The following NAA35 variants were observed in gnomAD, a reference collection of about 807,000 sequenced individuals.
NAA35 encodes N-alpha-acetyltransferase 35, NatC auxiliary subunit, also known as MAK10 homolog, amino-acid N-acetyltransferase subunit.
In NAA35, 18 loss-of-function variants were observed where a neutral mutation model predicts 101.7. The ratio of observed to expected loss-of-function variants is 0.18; its 90% CI spans 0.12 to 0.26. The LOEUF is 0.26. Ranked by LOEUF, NAA35 falls within the 10% of genes least tolerant of loss-of-function variation. The pLI is 1.00. For missense variants in NAA35, 601 were observed against 886.8 expected (o/e 0.68, Z 4.09); for synonymous variants, 267 against 273.1 (o/e 0.98, Z 0.22).
chr9:86,008,791 T>A (rs942702954), intron 14 of NAA35, among the ~76,000 whole-genome samples: 1 of 152,222 alleles, frequency 6.6e-6, no homozygotes, highest in Non-Finnish European at 1.5e-5. Context: ...GATTTGAAAC[T>A]TCTTCTGAAG....
At chr9:85,998,904 C>T (rs1381006116) in intron 12 of NAA35, among the ~76,000 whole-genome samples, 1 of 152,184 alleles carries the variant, frequency 6.6e-6, no homozygotes, top group Non-Finnish European at 1.5e-5. Flanking sequence ...ACCTGTGTTC[C>T]TTGAGCTCAC....
chr9:85,999,179 AAGAC>A (rs1377547789), intron 12 of NAA35, among the ~76,000 whole-genome samples: 1 of 152,110 alleles, frequency 6.6e-6, no homozygotes, highest in Non-Finnish European at 1.5e-5. Context: ...AGATCATAGA[AAGAC>A]AGTTTTACAG....
At chr9:85,952,943 G>A (rs1361508447) in intron 2 of NAA35, among the ~76,000 whole-genome samples, 1 of 152,112 alleles carries the variant, frequency 6.6e-6, no homozygotes, top group Non-Finnish European at 1.5e-5. Flanking sequence ...AGGCGTGATG[G>A]CTCATGCCCA....
chr9:85,964,502 G>C (rs1829662202), intron 6 of NAA35, among the ~76,000 whole-genome samples: 1 of 152,064 alleles, frequency 6.6e-6, no homozygotes, highest in African/African-American at 2.4e-5. Flanking sequence ...CCAATCCTTA[G>C]TGTTTTTTCC....
intron 14 of NAA35, among the ~76,000 whole-genome samples, chr9:86,009,103 A>G (rs947283742): frequency 1.3e-5 from 2 of 152,132 alleles, no homozygotes; most frequent in Non-Finnish European, 1.5e-5. Context: ...AAGGCTACTA[A>G]TGAACATATT....
intron 19 of NAA35, 113 bp downstream of exon 19, chr9:86,017,678 C>T: frequency 1.2e-6 from 1 of 864,644 alleles, no homozygotes; most frequent in Non-Finnish European, 1.8e-6. Context: ...CTTTGTTTTA[C>T]TTCCTGTCTG....
intron 9 of NAA35, 58 bp from the exon 10 acceptor site, chr9:85,977,305 G>A: frequency 8.5e-7 from 1 of 1,174,656 alleles, no homozygotes; most frequent in Non-Finnish European, 1.3e-6. Context: ...TATTTTAAAT[G>A]AAATTCCTTT....
chr9:85,961,858 T>TCAA (rs1284759220), intron 5 of NAA35, among the ~76,000 whole-genome samples, 155 bp from the exon 6 acceptor site: 4 of 152,168 alleles, frequency 2.6e-5, no homozygotes, highest in Non-Finnish European at 2.9e-5. Context: ...AAAATGTTAG[T>TCAA]CAATGAAAGT....
At chr9:85,975,267 AT>A (rs534521526) in intron 8 of NAA35, 110 bp downstream of exon 8, 7,678 of 975,854 alleles carry the variant, frequency 7.9e-3, no homozygotes, top group South Asian at 0.012. Flanking sequence ...TGTGCTTTGT[AT>A]TTTTTTTTTG....
At chr9:85,943,039 C>G (rs1301259001) in intron 2 of NAA35, among the ~76,000 whole-genome samples, 5 of 152,142 alleles carry the variant, frequency 3.3e-5, no homozygotes, top group Admixed American at 6.5e-5. Flanking sequence ...TTTTCAGTCT[C>G]ACTCACTGGA....
intron 2 of NAA35, among the ~76,000 whole-genome samples, chr9:85,944,646 G>A (rs1828679560): frequency 2.0e-5 from 3 of 152,234 alleles, no homozygotes; most frequent in South Asian, 4.1e-4. Flanking sequence ...TATGGGTGGA[G>A]TTCAAAGTAC....
chr9:86,005,580 C>A (rs567726507), intron 13 of NAA35, among the ~76,000 whole-genome samples: 1 of 152,038 alleles, frequency 6.6e-6, no homozygotes, highest in South Asian at 2.1e-4. Flanking sequence ...GTAGAATGCC[C>A]ATGGATTTTA....
At chr9:86,021,843 T>C in intron 22 of NAA35, 58 bp from the exon 23 acceptor site, 1 of 1,322,962 alleles carries the variant, frequency 7.6e-7, no homozygotes, top group Non-Finnish European at 1.1e-6. Flanking sequence ...AGTCTTTGTT[T>C]TGTGTACCAT....
At chr9:85,988,199 C>T (rs1423723728) in intron 11 of NAA35, among the ~76,000 whole-genome samples, 1 of 152,122 alleles carries the variant, frequency 6.6e-6, no homozygotes, top group African/African-American at 2.4e-5. Flanking sequence ...AGAAGCACTC[C>T]TTCAGTGATA....
chr9:85,978,322 C>T lies in NAA35; in HGVS notation c.818C>T (p.Ser273Phe). The change falls in exon 11 of 23, where the codon TCT becomes TTT. Residue 273 changes from serine (S) to phenylalanine (F), a missense_variant. By Grantham distance (155) the Ser-to-Phe change is radical. Transcript: ENST00000361671. ...ATGGTTCAAGCAGCAGATCTTCTTT[C>T]TGCCATTCATAATTCATTGCATCAT... ...KLMVQAADLLSAIHNSLHHGI... is the reference protein window; with the variant it reads ...KLMVQAADLLFAIHNSLHHGI... 1 of 1,613,466 alleles carries T rather than the reference C, an allele frequency of 6.2e-7. No homozygotes were observed. The highest frequency in any genetic ancestry group is 1.3e-5 in the African/African-American group (1 of 74,994).
chr9:85,986,376 G>T, intron 11 of NAA35: 2 of 468,538 alleles, frequency 4.3e-6, no homozygotes, highest in Non-Finnish European at 8.8e-6. Context: ...TGTTGTAGGT[G>T]AGGGGACAGA....
At chr9:85,952,101 G>A (rs181311587) in intron 2 of NAA35, among the ~76,000 whole-genome samples, 2 of 152,242 alleles carry the variant, frequency 1.3e-5, no homozygotes, top group Admixed American at 1.3e-4. Flanking sequence ...CAAAATTTTA[G>A]ATTTTGCTTG....
At chr9:85,951,240 G>A (rs1176276457) in intron 2 of NAA35, among the ~76,000 whole-genome samples, 1 of 151,946 alleles carries the variant, frequency 6.6e-6, no homozygotes, top group Non-Finnish European at 1.5e-5. Context: ...ATATACAAAA[G>A]TAGAGTTTGA....
chr9:85,958,366 A>G (rs988363292), intron 3 of NAA35, 106 bp from the exon 4 acceptor site: 2 of 594,930 alleles, frequency 3.4e-6, no homozygotes, highest in Non-Finnish European at 5.8e-6. Flanking sequence ...CTAAATGCAT[A>G]GAATACTTTA....
Sources: allele counts gnomAD v4.1 joint callset (sites outside exome capture counted in the v4.1 genomes callset), GRCh38; gene constraint gnomAD v4.1.1; transcripts MANE v1.5; gene names NCBI Gene and HGNC (gene_info 2026-07-23, HGNC 2026-07-21).